The following CACNG2 variants were observed in gnomAD, a reference collection of about 807,000 sequenced individuals.
CACNG2 encodes calcium voltage-gated channel auxiliary subunit gamma 2.
CACNG2 carries 3 observed loss-of-function variants against 25.9 expected under a neutral mutation model. The ratio of observed to expected loss-of-function variants is 0.12; its 90% CI spans 0.05 to 0.30. The LOEUF (loss-of-function observed/expected upper bound fraction) is 0.30. Ranked by LOEUF, CACNG2 falls within the 10% of genes least tolerant of loss-of-function variation. CACNG2 has a pLI of 1.00. For missense variants in CACNG2, 341 were observed against 432.5 expected (o/e 0.79, Z 1.88); for synonymous variants, 167 against 173.3 (o/e 0.96, Z 0.29).
intron 1 of CACNG2, among the ~76,000 whole-genome samples, chr22:36,640,100 G>T (rs1936420293): frequency 1.3e-5 from 2 of 152,172 alleles, no homozygotes; most frequent in South Asian, 4.1e-4. Context: ...GGGACTCTGG[G>T]ACCCAGACTT....
intron 1 of CACNG2, among the ~76,000 whole-genome samples, chr22:36,597,190 T>A (rs904325852): frequency 8.5e-5 from 13 of 152,156 alleles, no homozygotes; most frequent in African/African-American, 3.1e-4. Context: ...TCCTGGCGAA[T>A]TTTTTGTATT....
intron 1 of CACNG2, among the ~76,000 whole-genome samples, chr22:36,604,772 G>C (rs1390391410): frequency 6.6e-6 from 1 of 152,200 alleles, no homozygotes; most frequent in East Asian, 1.9e-4. Flanking sequence ...CTACAGTATA[G>C]TGTAAACATA....
intron 1 of CACNG2, among the ~76,000 whole-genome samples, chr22:36,614,542 G>A (rs1249540679): frequency 1.3e-5 from 2 of 152,226 alleles, no homozygotes; most frequent in Non-Finnish European, 2.9e-5. Context: ...CCCTTGAAGA[G>A]CTGCTGCATT....
At chr22:36,617,552 A>T (rs1453652413) in intron 1 of CACNG2, among the ~76,000 whole-genome samples, 2 of 151,274 alleles carry the variant, frequency 1.3e-5, no homozygotes, top group African/African-American at 4.9e-5. Flanking sequence ...TCTGAAAAAG[A>T]TATATAATCA....
intron 1 of CACNG2, among the ~76,000 whole-genome samples, chr22:36,693,920 A>G (rs1433248185): frequency 1.3e-5 from 2 of 152,084 alleles, no homozygotes; most frequent in Non-Finnish European, 2.9e-5. Flanking sequence ...CCTCTACTAG[A>G]CTGAATTCCT....
chr22:36,564,343 C>T lies in CACNG2; in HGVS notation c.*8G>A. Reference sequence around the variant, plus strand: ...CCTCCCGCGGTCTTCTGGCGAGGCCCGCGGTCTTTATACGGGGGTGGTCCG... The same window carrying T: ...CCTCCCGCGGTCTTCTGGCGAGGCCTGCGGTCTTTATACGGGGGTGGTCCG... On this transcript the variant is annotated 3_prime_UTR_variant, in exon 4 of 4. Transcript: ENST00000300105. The surrounding 1 kb of genome is among the most constrained non-coding windows in gnomAD (Gnocchi z 6.7). 1 of 1,611,072 alleles carries T rather than the reference C, an allele frequency of 6.2e-7. No homozygotes were observed. The highest frequency in any genetic ancestry group is 8.5e-7 in the Non-Finnish European group (1 of 1,178,720).
rs1935059587 is a variant in CACNG2, at chr22:36,563,261, C to T, written c.*1090G>A. ...CCCCAAAGGGTCAATGAACCCCCTTCCCAGGGGACTGGGGGGCTTATGAGT... is the reference window on the plus strand; with the variant it reads ...CCCCAAAGGGTCAATGAACCCCCTTTCCAGGGGACTGGGGGGCTTATGAGT... On this transcript the variant is annotated 3_prime_UTR_variant, in exon 4 of 4. Transcript: ENST00000300105. 6.6e-6 allele frequency among the ~76,000 whole-genome samples: 1 copy of T among 152,102 alleles called. No homozygotes were observed. The highest frequency in any genetic ancestry group is 1.5e-5 in the Non-Finnish European group (1 of 68,018).
intron 2 of CACNG2, among the ~76,000 whole-genome samples, chr22:36,566,714 A>C (rs971698540): frequency 6.6e-6 from 1 of 152,188 alleles, no homozygotes; most frequent in Non-Finnish European, 1.5e-5. Context: ...GCCAAACTCC[A>C]GCACACCGTC....
intron 1 of CACNG2, among the ~76,000 whole-genome samples, chr22:36,604,245 C>T (rs1016510163): frequency 1.3e-5 from 2 of 152,176 alleles, no homozygotes; most frequent in Middle Eastern, 3.2e-3. Context: ...TGAATTGCTG[C>T]AATCTCATGA....
At chr22:36,689,253 T>C (rs2146012131) in intron 1 of CACNG2, among the ~76,000 whole-genome samples, 1 of 152,284 alleles carries the variant, frequency 6.6e-6, no homozygotes, top group African/African-American at 2.4e-5. Context: ...ACTAAGCACC[T>C]ACTGTGTGCC....
chr22:36,687,249 C>A (rs1937213155), intron 1 of CACNG2, among the ~76,000 whole-genome samples: 1 of 152,112 alleles, frequency 6.6e-6, no homozygotes, highest in African/African-American at 2.4e-5. Context: ...TAGTTTACAG[C>A]CCCAGATTTG....
At chr22:36,611,924 T>A (rs1935948332) in intron 1 of CACNG2, among the ~76,000 whole-genome samples, 1 of 152,190 alleles carries the variant, frequency 6.6e-6, no homozygotes, top group South Asian at 2.1e-4. Flanking sequence ...TGCTGCTGGC[T>A]ATGAGTTGTG....
intron 1 of CACNG2, among the ~76,000 whole-genome samples, chr22:36,639,544 G>A (rs1936410546): frequency 6.6e-6 from 1 of 152,180 alleles, no homozygotes; most frequent in South Asian, 2.1e-4. Flanking sequence ...TCCCAGAATG[G>A]TACAGTTTGT....
At chr22:36,647,545 A>G (rs983773413) in intron 1 of CACNG2, among the ~76,000 whole-genome samples, 15 of 152,088 alleles carry the variant, frequency 9.9e-5, no homozygotes, top group African/African-American at 3.6e-4. Context: ...TCAGTGAGCC[A>G]AGATCATGCC....
At chr22:36,622,074 C>T (rs1936113838) in intron 1 of CACNG2, among the ~76,000 whole-genome samples, 1 of 152,244 alleles carries the variant, frequency 6.6e-6, no homozygotes, top group Admixed American at 6.5e-5. Flanking sequence ...AGGCACGGCT[C>T]TCATTCCCTG....
At chr22:36,576,341 A>T (rs563877582) in intron 2 of CACNG2, among the ~76,000 whole-genome samples, 1 of 152,202 alleles carries the variant, frequency 6.6e-6, no homozygotes, top group Non-Finnish European at 1.5e-5. Flanking sequence ...ATGCAAAGGC[A>T]TAAGAATGAT....
chr22:36,582,376 A>C (rs1935431748), intron 2 of CACNG2, among the ~76,000 whole-genome samples: 1 of 148,112 alleles, frequency 6.8e-6, no homozygotes, highest in African/African-American at 2.5e-5. Context: ...CCAACCCAGG[A>C]CCTTTGCACT....
intron 1 of CACNG2, among the ~76,000 whole-genome samples, chr22:36,699,465 G>T (rs1270207314): frequency 6.6e-6 from 1 of 152,036 alleles, no homozygotes; most frequent in East Asian, 1.9e-4. Context: ...TCATCAAGAG[G>T]TGAATGAAAA....
intron 1 of CACNG2, among the ~76,000 whole-genome samples, chr22:36,692,010 T>C (rs747642314): frequency 6.6e-6 from 1 of 152,006 alleles, no homozygotes; most frequent in Non-Finnish European, 1.5e-5. Context: ...GAAAATATGA[T>C]AGAAAAAAGT....
Sources: allele counts gnomAD v4.1 joint callset (sites outside exome capture counted in the v4.1 genomes callset), GRCh38; gene constraint gnomAD v4.1.1; non-coding constraint Gnocchi (gnomAD v3.1); transcripts MANE v1.5; gene names NCBI Gene and HGNC (gene_info 2026-07-23, HGNC 2026-07-21).